Variants in SDC3 observed in about 807,000 individuals in gnomAD.
The protein encoded by SDC3 is syndecan-3.
A neutral mutation model predicts 24.4 loss-of-function variants in SDC3; 13 were observed. That is an observed-to-expected ratio of 0.53 (90% CI 0.35 to 0.85). The LOEUF (loss-of-function observed/expected upper bound fraction) is 0.85, where lower values mean the gene tolerates loss of function less well. Ranked by LOEUF, SDC3 falls within the 40% of genes least tolerant of loss-of-function variation. SDC3 has a pLI of 0.01. For synonymous variants in SDC3, 295 were observed against 260.9 expected (o/e 1.13, Z -1.26); for missense variants, 571 against 584.5 (o/e 0.98, Z 0.24).
intron 1 of SDC3, among the ~76,000 whole-genome samples, chr1:30,903,406 C>T (rs924119142): frequency 1.8e-4 from 28 of 152,204 alleles, no homozygotes; most frequent in Admixed American, 7.2e-4. Context: ...AACTCCCTTC[C>T]GCATACACAT....
At chr1:30,905,557 G>A (rs1638503902) in intron 1 of SDC3, among the ~76,000 whole-genome samples, 2 of 151,938 alleles carry the variant, frequency 1.3e-5, no homozygotes, top group African/African-American at 4.8e-5. Flanking sequence ...CCATTTTAAA[G>A]AGGTGGAAAC....
chr1:30,887,327 T>A (rs757550744), intron 1 of SDC3, among the ~76,000 whole-genome samples: 1 of 151,894 alleles, frequency 6.6e-6, no homozygotes. Flanking sequence ...GAGTTAGGTG[T>A]TCCCGCCCTG....
rs1638585152 is a variant in SDC3 at position 30,908,678 on chromosome 1, C to G, written c.-92G>C. 4.6e-6 allele frequency: 2 copies of G among 431,786 alleles called. No homozygotes were observed. The highest frequency in any genetic ancestry group is 1.8e-4 in the South Asian group (2 of 10,852). The allele number at this position is 431,786 out of a possible 1,614,324, so 26.7% of individuals were successfully genotyped here. On this transcript the variant is annotated 5_prime_UTR_variant, in exon 1 of 5. Transcript: ENST00000339394. Reference sequence around the variant, plus strand: ...GGGCGGCTGCTTGGCGGCGGCGCGGCCCGGCGGCTGGACCGACGCGCTCTA... The same window carrying G: ...GGGCGGCTGCTTGGCGGCGGCGCGGGCCGGCGGCTGGACCGACGCGCTCTA...
chr1:30,876,886 A>C lies in SDC3; in HGVS notation c.536T>G (p.Val179Gly), dbSNP rs760613938. ...GGTGGCGGTGGCCACTGTGGCAGGC[A>C]CTGTGGCCACAGTCGGGTCCCCTGT... Reference protein sequence around the residue: ...TSTGDPTVATVPATVATATPS... With the variant: ...TSTGDPTVATGPATVATATPS... The change falls in exon 3 of 5, where the codon GTG becomes GGG. Residue 179 changes from valine (V) to glycine (G), a missense_variant. Around this residue, in one of 2 missense-constraint regions of SDC3, gnomAD observed 497 missense variants for 471.6 expected, o/e 1.05. Coordinates refer to ENST00000339394, the MANE Select transcript of SDC3 (RefSeq NM_014654.4). The C allele has an allele frequency of 6.2e-7, 1 of 1,613,382 alleles. No individual in the cohort carries two copies. Among genetic ancestry groups the C allele is most frequent in the Non-Finnish European group, 8.5e-7 (1 of 1,179,680 alleles).
intron 3 of SDC3, 33 bp downstream of exon 3, chr1:30,876,519 G>A (rs373646752): frequency 9.4e-5 from 66 of 705,868 alleles, no homozygotes; most frequent in Admixed American, 1.7e-4. Flanking sequence ...ACCCTCCTCC[G>A]CCCTCCTCCC....
upstream of SDC3, among the ~76,000 whole-genome samples, chr1:30,909,649 C>CGG (rs1166462585): frequency 6.6e-6 from 1 of 152,178 alleles, no homozygotes; most frequent in Non-Finnish European, 1.5e-5. Context: ...TTAGCTCCAG[C>CGG]GGGGGCAGGG....
intron 4 of SDC3, 29 bp downstream of exon 4, chr1:30,874,268 C>T: frequency 6.4e-7 from 1 of 1,560,536 alleles, no homozygotes; most frequent in South Asian, 1.2e-5. Flanking sequence ...TCCTCCCAGG[C>T]TCCCCTTGGC....
At chr1:30,906,248 T>C (rs1460046666) in intron 1 of SDC3, among the ~76,000 whole-genome samples, 1 of 152,070 alleles carries the variant, frequency 6.6e-6, no homozygotes, top group East Asian at 1.9e-4. Context: ...GCTTGACCCA[T>C]GGGAAGATGT....
At chr1:30,892,937 A>C (rs1272452403) in intron 1 of SDC3, among the ~76,000 whole-genome samples, 1 of 152,172 alleles carries the variant, frequency 6.6e-6, no homozygotes, top group Non-Finnish European at 1.5e-5. Context: ...CGGCAGGATC[A>C]GAGGCCAGCT....
chr1:30,874,117 T>C (rs1342898866), intron 4 of SDC3, among the ~76,000 whole-genome samples, 180 bp downstream of exon 4: 1 of 152,042 alleles, frequency 6.6e-6, no homozygotes, highest in Non-Finnish European at 1.5e-5. Context: ...AGGAGGAAAG[T>C]TGGGAGGAGC....
At chr1:30,892,533 C>T (rs1218298317) in intron 1 of SDC3, among the ~76,000 whole-genome samples, 6 of 152,170 alleles carry the variant, frequency 3.9e-5, no homozygotes, top group Non-Finnish European at 7.3e-5. Context: ...GGGAGAGGAA[C>T]TGGGCTAGAA....
At chr1:30,891,985 G>A (rs1240019079) in intron 1 of SDC3, among the ~76,000 whole-genome samples, 2 of 151,918 alleles carry the variant, frequency 1.3e-5, no homozygotes, top group Non-Finnish European at 2.9e-5. Flanking sequence ...CTCAGCAATG[G>A]GGTGCAGGGA....
chr1:30,896,861 G>A (rs1467196034), intron 1 of SDC3, among the ~76,000 whole-genome samples: 1 of 152,208 alleles, frequency 6.6e-6, no homozygotes, highest in Admixed American at 6.5e-5. Flanking sequence ...TACTCAGGAG[G>A]CTGAGCCAGG....
At chr1:30,878,967 A>G (rs1639695322) in intron 1 of SDC3, 2 of 523,946 alleles carry the variant, frequency 3.8e-6, no homozygotes, top group South Asian at 5.4e-5. Flanking sequence ...TGTCTGGCTG[A>G]TGACTTTCTC....
At chr1:30,882,155 C>T (rs576435142) in intron 1 of SDC3, among the ~76,000 whole-genome samples, 112 of 152,322 alleles carry the variant, frequency 7.4e-4, no homozygotes, top group African/African-American at 2.5e-3. Flanking sequence ...ACATACATCC[C>T]GCCTCACATG....
intron 3 of SDC3, 117 bp from the exon 4 acceptor site, chr1:30,874,705 C>T (rs1639609667): frequency 2.0e-5 from 18 of 911,590 alleles, no homozygotes; most frequent in Non-Finnish European, 3.1e-5. Context: ...AGGCACTGTG[C>T]TACACACTAT....
At chr1:30,877,300 G>A in intron 2 of SDC3, 135 bp from the exon 3 acceptor site, 1 of 1,178,028 alleles carries the variant, frequency 8.5e-7, no homozygotes, top group Non-Finnish European at 1.2e-6. Context: ...CAGAAAAGAT[G>A]AGAGAAAGGA....
At chr1:30,907,727 C>A (rs1286913846) in intron 1 of SDC3, among the ~76,000 whole-genome samples, 1 of 152,080 alleles carries the variant, frequency 6.6e-6, no homozygotes, top group East Asian at 1.9e-4. Flanking sequence ...GGTCCCCGCA[C>A]CCCTCACTGA....
chr1:30,899,386 G>A (rs960310250), intron 1 of SDC3, among the ~76,000 whole-genome samples: 10 of 151,834 alleles, frequency 6.6e-5, no homozygotes, highest in African/African-American at 1.7e-4. Context: ...AGCCTGCCTT[G>A]TTGTTTTTGA....
Sources: gnomAD v4.1 joint callset for allele counts (sites outside exome capture counted in the v4.1 genomes callset) on GRCh38, gnomAD v4.1.1 for gene constraint, gnomAD v4.1.1 regional missense constraint, MANE v1.5 for transcripts, NCBI Gene and HGNC (gene_info 2026-07-23, HGNC 2026-07-21) for gene names.